The following DNAH11 variants were observed in gnomAD, a reference collection of about 807,000 sequenced individuals.
The protein encoded by DNAH11 is axonemal beta dynein heavy chain 11.
DNAH11 carries 442 observed loss-of-function variants against 526.0 expected under a neutral mutation model. The observed-to-expected ratio is 0.84, with a 90% CI of 0.78 to 0.91. DNAH11 has a LOEUF of 0.91. Among genes scored for constraint, DNAH11 ranks in the 40% least tolerant of loss-of-function variants. DNAH11 has a pLI of 0.00. For missense variants in DNAH11, 6,989 were observed against 5,448.7 expected, an observed-to-expected ratio of 1.28 and a Z score of -8.90; for synonymous variants, 2,461 against 1,935.9, an observed-to-expected ratio of 1.27 and a Z score of -7.12.
intron 20 of DNAH11, among the ~76,000 whole-genome samples, chr7:21,607,697 C>T (rs1377399083): frequency 2.6e-5 from 4 of 151,746 alleles, no homozygotes; most frequent in Admixed American, 6.6e-5. Flanking sequence ...CTTTGGGATT[C>T]GAGGTGGGCA....
chr7:21,744,627 A>G, intron 50 of DNAH11, 28 bp downstream of exon 50: 6 of 1,609,292 alleles, frequency 3.7e-6, no homozygotes, highest in South Asian at 1.1e-5. Flanking sequence ...AGAGGTCACT[A>G]CTTACTCCAA....
intron 28 of DNAH11, among the ~76,000 whole-genome samples, chr7:21,644,044 C>T (rs1787242068): frequency 6.6e-6 from 1 of 152,064 alleles, no homozygotes; most frequent in African/African-American, 2.4e-5. Flanking sequence ...CCTTCAAGGA[C>T]ATCTGCACCA....
At chr7:21,615,492 G>C (rs1365051790) in intron 21 of DNAH11, among the ~76,000 whole-genome samples, 1 of 151,732 alleles carries the variant, frequency 6.6e-6, no homozygotes. Context: ...ATGAAACTTT[G>C]TTTAATAAGC....
chr7:21,566,535 A>G (rs554458702), intron 6 of DNAH11, among the ~76,000 whole-genome samples: 2 of 152,176 alleles, frequency 1.3e-5, no homozygotes, highest in East Asian at 3.9e-4. Flanking sequence ...GCCCTTTACA[A>G]AAATTCAAAA....
At chr7:21,675,174 G>C (rs1440533031) in intron 30 of DNAH11, among the ~76,000 whole-genome samples, 2 of 152,150 alleles carry the variant, frequency 1.3e-5, no homozygotes, top group Admixed American at 1.3e-4. Flanking sequence ...AGACCTTTCA[G>C]CACCATCTCA....
intron 41 of DNAH11, 135 bp downstream of exon 41, chr7:21,710,838 G>GTTGCT: frequency 1.1e-6 from 1 of 893,008 alleles, no homozygotes; most frequent in Non-Finnish European, 1.6e-6. Flanking sequence ...TTTGATAAGT[G>GTTGCT]TTGCTTTCCT....
At chr7:21,744,015 A>G (rs1479864459) in intron 49 of DNAH11, among the ~76,000 whole-genome samples, 1 of 152,192 alleles carries the variant, frequency 6.6e-6, no homozygotes, top group East Asian at 1.9e-4. Flanking sequence ...GAGTCTGGGC[A>G]CTTTACTCTT....
At chr7:21,660,353 A>C (rs1019013139) in intron 30 of DNAH11, among the ~76,000 whole-genome samples, 3 of 151,922 alleles carry the variant, frequency 2.0e-5, no homozygotes, top group Admixed American at 6.6e-5. Flanking sequence ...CTCAATCACT[A>C]CTCAAACTTA....
intron 28 of DNAH11, among the ~76,000 whole-genome samples, chr7:21,642,969 C>T (rs904910849): frequency 6.6e-6 from 1 of 152,062 alleles, no homozygotes; most frequent in Non-Finnish European, 1.5e-5. Context: ...AATTTCCTTC[C>T]CTCAAAATTT....
intron 76 of DNAH11, among the ~76,000 whole-genome samples, chr7:21,891,563 T>G (rs1386283589): frequency 6.6e-6 from 1 of 152,224 alleles, no homozygotes; most frequent in African/African-American, 2.4e-5. Context: ...TGTTACATTT[T>G]GAAGTTCTAC....
chr7:21,774,805 A>T (rs935552121), intron 56 of DNAH11, among the ~76,000 whole-genome samples: 1 of 152,194 alleles, frequency 6.6e-6, no homozygotes, highest in Non-Finnish European at 1.5e-5. Context: ...TTTGAAGAGT[A>T]GCCCAGCCTT....
At chr7:21,612,554 C>CAAAAAAAAAAAAAAAAAAAAA (rs34356379) in intron 20 of DNAH11, among the ~76,000 whole-genome samples, 8 of 81,236 alleles carry the variant, frequency 9.8e-5, no homozygotes, top group Middle Eastern at 7.4e-3. Context: ...GGCTCCGTCT[C>CAAAAAAAAAAAAAAAAAAAAA]AAAAAAAAAA....
chr7:21,588,007 T>C, intron 9 of DNAH11, 57 bp from the exon 10 acceptor site: 1 of 1,555,440 alleles, frequency 6.4e-7, no homozygotes, highest in Admixed American at 1.8e-5. Flanking sequence ...CATTATGAGC[T>C]GAGTATTTGT....
intron 45 of DNAH11, among the ~76,000 whole-genome samples, chr7:21,732,070 G>A (rs550021477): frequency 2.0e-5 from 3 of 152,132 alleles, no homozygotes; most frequent in Admixed American, 2.0e-4. Context: ...AACATACCTC[G>A]CCCAGGTTAA....
At chr7:21,700,155 C>T (rs972313871) in intron 36 of DNAH11, among the ~76,000 whole-genome samples, 3 of 152,150 alleles carry the variant, frequency 2.0e-5, no homozygotes, top group Admixed American at 2.0e-4. Flanking sequence ...GGGATAAGGG[C>T]AAGATTTGAC....
At chr7:21,818,952 A>G (rs1018168875) in intron 65 of DNAH11, among the ~76,000 whole-genome samples, 2 of 152,092 alleles carry the variant, frequency 1.3e-5, no homozygotes, top group Non-Finnish European at 2.9e-5. Context: ...AAGACAATAT[A>G]CTTTCCAGAA....
chr7:21,724,278 A>T (rs1420531493), intron 44 of DNAH11, among the ~76,000 whole-genome samples: 1 of 152,184 alleles, frequency 6.6e-6, no homozygotes, highest in African/African-American at 2.4e-5. Flanking sequence ...ATCTGAAAAT[A>T]ATTTAAATGA....
chr7:21,703,005 G>C (rs1675120908), intron 37 of DNAH11, among the ~76,000 whole-genome samples: 1 of 152,156 alleles, frequency 6.6e-6, no homozygotes, highest in African/African-American at 2.4e-5. Context: ...ATCTGGAAAA[G>C]AAAATGTGAT....
intron 65 of DNAH11, among the ~76,000 whole-genome samples, chr7:21,825,898 G>A (rs1051017754): frequency 5.3e-5 from 8 of 151,342 alleles, no homozygotes; most frequent in Middle Eastern, 3.5e-3. Context: ...GGTGGAGCTC[G>A]CAGTGAGCCA....
Sources: allele counts gnomAD v4.1 joint callset (sites outside exome capture counted in the v4.1 genomes callset), GRCh38; gene constraint gnomAD v4.1.1; transcripts MANE v1.5; gene names NCBI Gene and HGNC (gene_info 2026-07-23, HGNC 2026-07-21).